The following BNC2 variants were observed in gnomAD, a reference collection of about 807,000 sequenced individuals.
BNC2 encodes the protein zinc finger protein basonuclin-2.
BNC2 carries 20 observed loss-of-function variants against 76.3 expected under a neutral mutation model. The ratio of observed to expected loss-of-function variants is 0.26; its 90% CI spans 0.18 to 0.38. The LOEUF is 0.38. BNC2 is among the 10% of genes least tolerant of loss of function. The pLI is 1.00. For missense variants in BNC2, 1,382 were observed against 1,399.8 expected (o/e 0.99, Z 0.20); for synonymous variants, 582 against 514.8 (o/e 1.13, Z -1.77).
chr9:16,464,110 A>AAAAG (rs1563795928), intron 5 of BNC2, among the ~76,000 whole-genome samples: 2 of 151,676 alleles, frequency 1.3e-5, no homozygotes, highest in Admixed American at 1.3e-4. Flanking sequence ...AAAAAAAAAA[A>AAAAG]AAAGAAAGAA....
intron 1 of BNC2, among the ~76,000 whole-genome samples, chr9:16,774,587 A>T (rs1369215204): frequency 6.6e-6 from 1 of 152,224 alleles, no homozygotes; most frequent in Non-Finnish European, 1.5e-5. Context: ...AAACTTACAA[A>T]TAAGGCTTTT....
chr9:16,608,447 A>AG lies in BNC2; in HGVS notation c.331-25363_331-25362insC, dbSNP rs144305838. Among the ~76,000 whole-genome samples the AG allele has an allele frequency of 7.1e-3, 1,080 of 152,242 alleles. 19 individuals are homozygous for AG. The highest frequency in any genetic ancestry group is 0.037 in the South Asian group (180 of 4,816). ...CCTGCTCCTTAAAACTAAAAGAAAA[A>AG]AAAAGTTTATTATGATTATTAATTC... On this transcript the variant is annotated intron_variant, in intron 3 of 6. Transcript: ENST00000380672.
chr9:16,477,429 A>C (rs1015431415), intron 5 of BNC2, among the ~76,000 whole-genome samples: 1 of 152,188 alleles, frequency 6.6e-6, no homozygotes, highest in African/African-American at 2.4e-5. Flanking sequence ...AAAATGTCTA[A>C]GCAACAGCCA....
rs1178320540 is a variant in BNC2 at position 16,584,892 on chromosome 9, CA to C, written c.331-1808del. ...TTTACAAATTATCTAATTATAAATTCAGATACGGGAACTATGTTGACATTAA... is the reference window on the plus strand; with the variant it reads ...TTTACAAATTATCTAATTATAAATTCGATACGGGAACTATGTTGACATTAA... On this transcript the variant is annotated intron_variant, in intron 3 of 6. Transcript: ENST00000380672. Among the ~76,000 whole-genome samples, 6 of 152,092 alleles carry C rather than the reference CA, an allele frequency of 3.9e-5. No homozygotes were observed. In the South Asian group the frequency reaches 1.0e-3, roughly 26 times the overall value.
chr9:16,586,256 C>T, intron 3 of BNC2, among the ~76,000 whole-genome samples: 1 of 152,178 alleles, frequency 6.6e-6, no homozygotes, highest in African/African-American at 2.4e-5. Flanking sequence ...TCCCCAAGAA[C>T]AACCATAACA....
At chr9:16,827,201 G>A (rs1451480733) in intron 1 of BNC2, among the ~76,000 whole-genome samples, 4 of 152,158 alleles carry the variant, frequency 2.6e-5, no homozygotes, top group African/African-American at 4.8e-5. Flanking sequence ...GTCTCTGCAC[G>A]ATACATATTT....
At chr9:16,515,734 T>TA (rs945421013) in intron 5 of BNC2, among the ~76,000 whole-genome samples, 6 of 146,088 alleles carry the variant, frequency 4.1e-5, no homozygotes, top group African/African-American at 7.7e-5. Context: ...AAAAAAAATT[T>TA]AAAAAAAACC....
chr9:16,801,009 T>C (rs769640695), intron 1 of BNC2, among the ~76,000 whole-genome samples: 2 of 152,118 alleles, frequency 1.3e-5, no homozygotes, highest in South Asian at 2.1e-4. Flanking sequence ...TTACACAAAA[T>C]AGACATCTTC....
Position 16,804,956 on chromosome 9 carries a change from G to A in BNC2, c.3+65690C>T, listed in dbSNP as rs986224117. On this transcript the variant is annotated intron_variant, in intron 1 of 6. Coordinates refer to ENST00000380672, the MANE Select transcript of BNC2 (RefSeq NM_017637.6). ...ATGCGCCTGTAGTCCCAGCTACTCGGGAGGCTGAGGTGGGAGAATCTCTTG... is the reference window on the plus strand; with the variant it reads ...ATGCGCCTGTAGTCCCAGCTACTCGAGAGGCTGAGGTGGGAGAATCTCTTG... Among the ~76,000 whole-genome samples, 6 of 152,076 alleles carry A rather than the reference G, an allele frequency of 3.9e-5. No individual in the cohort carries two copies. In the East Asian group the frequency reaches 9.7e-4, roughly 25 times the overall value.
At chr9:16,688,000 T>C (rs186895890) in intron 3 of BNC2, among the ~76,000 whole-genome samples, 2 of 152,256 alleles carry the variant, frequency 1.3e-5, no homozygotes, top group Admixed American at 1.3e-4. Context: ...TGGGTACATT[T>C]TCAAACTTAG....
intron 1 of BNC2, among the ~76,000 whole-genome samples, chr9:16,780,007 C>T (rs1415662249): frequency 8.6e-5 from 13 of 151,472 alleles, no homozygotes; most frequent in South Asian, 2.1e-4. Context: ...GAGGCCGAGG[C>T]GGGCGGATCA....
intron 1 of BNC2, among the ~76,000 whole-genome samples, chr9:16,783,939 G>A (rs1335189081): frequency 6.6e-6 from 1 of 151,956 alleles, no homozygotes; most frequent in Non-Finnish European, 1.5e-5. Context: ...TGAAAATGTT[G>A]GAAGATTTTA....
At chr9:16,768,336 G>A (rs1168977417) in intron 1 of BNC2, among the ~76,000 whole-genome samples, 1 of 152,112 alleles carries the variant, frequency 6.6e-6, no homozygotes, top group African/African-American at 2.4e-5. Flanking sequence ...GGGAAGTTAT[G>A]AGAGATGCCA....
At chr9:16,473,071 A>G (rs1821857831) in intron 5 of BNC2, 1 of 152,298 alleles carries the variant, frequency 6.6e-6, no homozygotes, top group South Asian at 2.1e-4. Flanking sequence ...TAAGCATGAT[A>G]CAAGAAGAGC....
At chr9:16,732,907 A>C (rs762553068) in intron 2 of BNC2, among the ~76,000 whole-genome samples, 6 of 152,206 alleles carry the variant, frequency 3.9e-5, no homozygotes, top group Non-Finnish European at 7.3e-5. Context: ...CTGGCTATCC[A>C]ATCTTATATG....
chr9:16,737,086 G>A (rs4961742), intron 2 of BNC2, among the ~76,000 whole-genome samples: 136,359 of 151,026 alleles, frequency 0.9, 61,572 homozygotes, highest in Non-Finnish European at 0.91. Context: ...GATTACAGGC[G>A]AGAGCCACCA....
At position 16,436,623 on chromosome 9, in the gene BNC2, C is replaced by G. The variant is rs1821023173; in HGVS notation, c.1571G>C (p.Ser524Thr). 2 of 1,614,078 alleles carry G rather than the reference C, an allele frequency of 1.2e-6. No individual in the cohort carries two copies. Residue 524 changes from serine (S) to threonine (T), a missense_variant, in exon 6 of 7, where the codon AGT (serine) becomes ACT (threonine). Physicochemically the swap from Ser to Thr is moderately conservative, Grantham distance 58. Coordinates refer to ENST00000380672, the MANE Select transcript of BNC2 (RefSeq NM_017637.6). Reference protein sequence around the residue: ...TSGAATPVIASTKSNLALTSP... With the variant: ...TSGAATPVIATTKSNLALTSP... ...TGTGAGTGCCAGATTTGATTTTGTA[C>G]TTGCTATGACAGGGGTGGCAGCTCC...
intron 5 of BNC2, among the ~76,000 whole-genome samples, chr9:16,444,223 T>A (rs894463696): frequency 1.3e-5 from 2 of 152,114 alleles, no homozygotes; most frequent in South Asian, 2.1e-4. Flanking sequence ...GATTTTTTGC[T>A]AGTATCATTC....
chr9:16,791,836 C>T (rs1817518379), intron 1 of BNC2, among the ~76,000 whole-genome samples: 1 of 152,156 alleles, frequency 6.6e-6, no homozygotes, highest in African/African-American at 2.4e-5. Flanking sequence ...GGCACGGCGG[C>T]TCACACCTGT....
Sources: gnomAD v4.1 joint callset for allele counts (sites outside exome capture counted in the v4.1 genomes callset) on GRCh38, gnomAD v4.1.1 for gene constraint, MANE v1.5 for transcripts, NCBI Gene and HGNC (gene_info 2026-07-23, HGNC 2026-07-21) for gene names.